The following SUGP1 variants were observed in gnomAD, a reference collection of about 807,000 sequenced individuals.
The protein encoded by SUGP1 is SURP and G-patch domain containing 1, also known as SURP and G-patch domain-containing protein 1.
A neutral mutation model predicts 76.5 loss-of-function variants in SUGP1; 34 were observed. The observed-to-expected ratio is 0.44, with a 90% CI of 0.34 to 0.59. The LOEUF is 0.59. Among genes scored for constraint, SUGP1 ranks in the 20% least tolerant of loss-of-function variants. The probability of loss-of-function intolerance (pLI) is 0.01; values close to 1 mark genes in which losing one functional copy is unlikely to be tolerated. For synonymous variants in SUGP1, 326 were observed against 326.2 expected, an observed-to-expected ratio of 1.00 and a Z score of 0.01; for missense variants, 752 against 851.7, an observed-to-expected ratio of 0.88 and a Z score of 1.46.
chr19:19,296,239 C>T (rs998146765), intron 8 of SUGP1, among the ~76,000 whole-genome samples: 2 of 152,076 alleles, frequency 1.3e-5, no homozygotes, highest in African/African-American at 4.8e-5. Flanking sequence ...AAATGGTGCA[C>T]CTGCAGGTTC....
chr19:19,283,540 C>T (rs895729640), intron 8 of SUGP1, among the ~76,000 whole-genome samples: 56 of 152,022 alleles, frequency 3.7e-4, no homozygotes, highest in African/African-American at 1.3e-3. Context: ...CTGCAACCTC[C>T]GCCTCCTGGG....
chr19:19,304,022 C>A, intron 4 of SUGP1, 175 bp from the exon 5 acceptor site: 1 of 1,585,848 alleles, frequency 6.3e-7, no homozygotes, highest in Non-Finnish European at 8.5e-7. Context: ...GGGAGTCGGT[C>A]TCACTGTCTT....
intron 8 of SUGP1, among the ~76,000 whole-genome samples, chr19:19,282,893 C>T (rs533476057): frequency 2.5e-4 from 38 of 152,134 alleles, no homozygotes; most frequent in East Asian, 1.7e-3. Flanking sequence ...CTGGCTAACA[C>T]GGTGAAACCC....
At chr19:19,283,571 C>G (rs2061116719) in intron 8 of SUGP1, among the ~76,000 whole-genome samples, 1 of 152,228 alleles carries the variant, frequency 6.6e-6, no homozygotes, top group Non-Finnish European at 1.5e-5. Flanking sequence ...TCTCCTGCCT[C>G]AGCCTCCCGA....
intron 8 of SUGP1, among the ~76,000 whole-genome samples, chr19:19,289,609 G>A (rs1315900715): frequency 2.0e-5 from 3 of 152,068 alleles, no homozygotes; most frequent in African/African-American, 4.8e-5. Context: ...TTAGCAGGGT[G>A]TGGTTGCAGG....
In SUGP1 at chr19:19,276,660, C is replaced by T; in HGVS notation, c.1926G>A (p.Arg642=). 6.2e-7 allele frequency: 1 copy of T among 1,614,120 alleles called. No individual in the cohort carries two copies. Among genetic ancestry groups the T allele is most frequent in the South Asian group, 1.1e-5 (1 of 91,082 alleles). The change falls in exon 14 of 14, where the codon CGG becomes CGA. Residue 642 remains arginine, a synonymous_variant. Transcript: ENST00000247001. ...ATTTCCAGAACACTCAGTAGTAAGG[C>T]CGTCTGGGATTGTTCTGTGGAAGGC... ...FRPNPLNNPR[R]PYY is the part of the protein sequence containing the mutation.
rs57326170 is a variant in SUGP1, at chr19:19,304,221, T to A, written c.539-374A>T. 2.0e-5 allele frequency among the ~76,000 whole-genome samples: 3 copies of A among 152,216 alleles called. No homozygotes were observed. The South Asian group carries it at 6.2e-4, about 32-fold the overall frequency. On this transcript the variant is annotated intron_variant, in intron 4 of 13. Transcript: ENST00000247001. Reference sequence around the variant, plus strand: ...CCTTCAAAGATGACACGTTCTTTTTTAAAAAATACCATTATGAGCTCTGAT... The same window carrying A: ...CCTTCAAAGATGACACGTTCTTTTTAAAAAAATACCATTATGAGCTCTGAT...
At chr19:19,282,853 G>C (rs549308617) in intron 8 of SUGP1, among the ~76,000 whole-genome samples, 6 of 152,226 alleles carry the variant, frequency 3.9e-5, no homozygotes, top group South Asian at 4.2e-4. Context: ...CAAGGTGGGC[G>C]GATCACAAGG....
intron 8 of SUGP1, among the ~76,000 whole-genome samples, chr19:19,290,041 G>A (rs905611122): frequency 2.6e-5 from 4 of 152,154 alleles, no homozygotes; most frequent in African/African-American, 7.2e-5. Flanking sequence ...TATGTCTGGA[G>A]ATCTAAGAGC....
intron 2 of SUGP1, among the ~76,000 whole-genome samples, chr19:19,311,934 T>C (rs1201366716): frequency 6.6e-6 from 1 of 151,894 alleles, no homozygotes; most frequent in Non-Finnish European, 1.5e-5. Flanking sequence ...CATATGATCA[T>C]GCCACTGCAC....
chr19:19,320,197 C>A (rs2061431709), intron 1 of SUGP1, among the ~76,000 whole-genome samples: 2 of 152,198 alleles, frequency 1.3e-5, no homozygotes, highest in African/African-American at 4.8e-5. Context: ...GCCCTGAAGG[C>A]GGTTGTTTCG....
chr19:19,279,445 C>A, intron 9 of SUGP1, 55 bp from the exon 10 acceptor site: 2 of 1,502,456 alleles, frequency 1.3e-6, no homozygotes, highest in Non-Finnish European at 1.8e-6. Flanking sequence ...CTGCCGGAGC[C>A]CCGCTCCTGC....
At position 19,280,190 on chromosome 19, in the gene SUGP1, G is replaced by A; in HGVS notation, c.1345C>T (p.Gln449Ter). 6.2e-7 allele frequency: 1 copy of A among 1,613,776 alleles called. No homozygotes were observed. The highest frequency in any genetic ancestry group is 8.5e-7 in the Non-Finnish European group (1 of 1,179,918). The change falls in exon 9 of 14, where the codon CAG becomes TAG. Residue 449 changes from glutamine (Q) to a stop codon, truncating the protein, a stop_gained. Coordinates refer to ENST00000247001, the MANE Select transcript of SUGP1 (RefSeq NM_172231.4). LOFTEE classifies it high-confidence loss of function. The stretch of plus-strand genomic sequence containing the variant: ...CCTTGTCCCCGCAGTCTTACCTCCT[G>A]CTGCTCCTTCAGCTGCTTCTTCTGG... ...DAQKKQLKEQ[Q>*]EMQQMYDMIM... is the part of the protein sequence containing the mutation.
At chr19:19,297,400 A>ATTCTGGGCACGAGCAGTTCTGGCC in intron 7 of SUGP1, 56 bp from the exon 8 acceptor site, 1 of 1,349,532 alleles carries the variant, frequency 7.4e-7, no homozygotes, top group Non-Finnish European at 1.0e-6. Context: ...CCTGTCCCTG[A>ATTCTGGGCACGAGCAGTTCTGGCC]TTCTGGGCAG....
At chr19:19,319,556 G>A (rs1190849398) in intron 1 of SUGP1, among the ~76,000 whole-genome samples, 1 of 151,548 alleles carries the variant, frequency 6.6e-6, no homozygotes, top group Non-Finnish European at 1.5e-5. Context: ...GGGAAACGTG[G>A]CAACACAAAA....
chr19:19,300,682 G>C (rs1173470527), intron 7 of SUGP1, among the ~76,000 whole-genome samples: 1 of 152,202 alleles, frequency 6.6e-6, no homozygotes, highest in African/African-American at 2.4e-5. Flanking sequence ...CTCTGGCTCT[G>C]CAGTGAGTGC....
intron 8 of SUGP1, among the ~76,000 whole-genome samples, chr19:19,283,327 T>G (rs1406870065): frequency 1.3e-5 from 2 of 152,042 alleles, no homozygotes; most frequent in East Asian, 3.9e-4. Context: ...AGTGTAATGG[T>G]GCAATCTCGG....
chr19:19,279,353 C>G lies in SUGP1; in HGVS notation c.1388G>C (p.Arg463Pro). The change falls in exon 10 of 14, where the codon CGG becomes CCG. Residue 463 changes from arginine to proline, a missense_variant. By Grantham distance (103) the Arg-to-Pro change is moderately radical. Coordinates refer to ENST00000247001, the MANE Select transcript of SUGP1 (RefSeq NM_172231.4). Reference sequence around the variant, plus strand: ...CAGCAGCTGCATGTCCTGCATGGCCCGCTTGTGCTGCATGATCATGTCGTA... The same window carrying G: ...CAGCAGCTGCATGTCCTGCATGGCCGGCTTGTGCTGCATGATCATGTCGTA... ...QMYDMIMQHK[R>P]AMQDMQLLWE... 2 of 1,609,762 alleles carry G rather than the reference C, an allele frequency of 1.2e-6. No homozygotes were observed. Among genetic ancestry groups the G allele is most frequent in the Non-Finnish European group, 1.7e-6 (2 of 1,179,662 alleles).
In SUGP1 at chr19:19,306,628, T is replaced by C. The variant is rs1242992813; in HGVS notation, c.311-552A>G. Among the ~76,000 whole-genome samples the C allele has an allele frequency of 2.6e-5, 4 of 152,258 alleles. No homozygotes were observed. In the East Asian group the frequency reaches 7.7e-4, roughly 29 times the overall value. On this transcript the variant is annotated intron_variant, in intron 3 of 13. Coordinates refer to ENST00000247001, the MANE Select transcript of SUGP1 (RefSeq NM_172231.4). Reference sequence around the variant, plus strand: ...CTGTCTCACCAGCAACAATGGGCTCTGGTCGGTAAACCCCAAAATCAGAGA... The same window carrying C: ...CTGTCTCACCAGCAACAATGGGCTCCGGTCGGTAAACCCCAAAATCAGAGA...
Sources: allele counts gnomAD v4.1 joint callset (sites outside exome capture counted in the v4.1 genomes callset), GRCh38; gene constraint gnomAD v4.1.1; transcripts MANE v1.5; gene names NCBI Gene and HGNC (gene_info 2026-07-23, HGNC 2026-07-21).